The following CORO1A variants were observed in gnomAD, a reference collection of about 807,000 sequenced individuals.
CORO1A encodes the protein coronin 1A.
In CORO1A, 17 loss-of-function variants were observed where a neutral mutation model predicts 44.1. That is an observed-to-expected ratio of 0.39 (90% confidence interval 0.26 to 0.58). CORO1A has a LOEUF of 0.58. Ranked by LOEUF, CORO1A falls within the 20% of genes least tolerant of loss-of-function variation. CORO1A has a pLI of 0.62. For missense variants in CORO1A, 415 were observed against 606.5 expected, an observed-to-expected ratio of 0.68 and a Z score of 3.32; for synonymous variants, 271 against 244.2, an observed-to-expected ratio of 1.11 and a Z score of -1.02.
At position 30,186,632 on chromosome 16, in the gene CORO1A, G is replaced by A; in HGVS notation, c.233G>A (p.Cys78Tyr). The change falls in exon 3 of 11, where the codon TGT becomes TAT. Residue 78 changes from cysteine to tyrosine, a missense_variant. Physicochemically the swap from Cys to Tyr is radical, Grantham distance 194. This residue lies in a region of CORO1A where 325 missense variants were observed against 521.7 expected (regional missense o/e 0.62). Transcript: ENST00000219150. ...GTGGACAAGAATGCGCCCACGGTCT[G>A]TGGCCACACAGCCCCTGTGCTAGAC... The part of the protein sequence containing the change: ...GRVDKNAPTV[C>Y]GHTAPVLDIA... The A allele has an allele frequency of 1.2e-6, 2 of 1,612,892 alleles. No homozygotes were observed. Among genetic ancestry groups the A allele is most frequent in the Non-Finnish European group, 1.7e-6 (2 of 1,180,020 alleles).
In CORO1A at chr16:30,183,756, CCGGGGCGAGGGCCACCTGTGGGG is replaced by C. The variant is rs2073300747; in HGVS notation, c.-2+35_-2+57del. On this transcript the variant is annotated intron_variant, in intron 1 of 10. Coordinates refer to ENST00000219150, the MANE Select transcript of CORO1A (RefSeq NM_007074.4). The surrounding 1 kb of genome is among the most constrained non-coding windows in gnomAD (Gnocchi z 5.0). ...GCTGGGCCTGGGAGGCGCGGGTGGGCCGGGGCGAGGGCCACCTGTGGGGCGGCGCGCGCGTGGGAGCCGCGGGC... is the reference window on the plus strand; with the variant it reads ...GCTGGGCCTGGGAGGCGCGGGTGGGCCGGCGCGCGCGTGGGAGCCGCGGGC... 6.6e-6 allele frequency: 1 copy of C among 151,962 alleles called. No homozygotes were observed. Among genetic ancestry groups the C allele is most frequent in the African/African-American group, 2.4e-5 (1 of 41,394 alleles). The allele number at this position is 151,962 out of a possible 1,614,324, so 9.4% of individuals were successfully genotyped here.
intron 4 of CORO1A, 22 bp downstream of exon 4, chr16:30,186,967 G>T: frequency 6.2e-7 from 1 of 1,612,850 alleles, no homozygotes; most frequent in South Asian, 1.1e-5. Flanking sequence ...GGAGGGGCTT[G>T]GGGGTGGCTC....
In CORO1A at chr16:30,187,841, G is replaced by A. The variant is rs1172584586; in HGVS notation, c.861+12G>A. On this transcript the variant is annotated intron_variant, in intron 7 of 10. Coordinates refer to ENST00000219150, the MANE Select transcript of CORO1A (RefSeq NM_007074.4). ...ACCTCTGTGGCAAGGTGGCCTCGTC[G>A]GGCGGGGTGGGGGTGGGAGGTGGGC... The A allele has an allele frequency of 1.0e-5, 16 of 1,584,334 alleles. No individual in the cohort carries two copies. Among genetic ancestry groups the A allele is most frequent in the East Asian group, 2.2e-5 (1 of 44,666 alleles).
intron 7 of CORO1A, 36 bp downstream of exon 7, chr16:30,187,865 G>GGGGGGGGGGGGGGGGCCCGGGGCCC: frequency 1.9e-6 from 1 of 513,370 alleles, no homozygotes; most frequent in Non-Finnish European, 3.6e-6. Context: ...TGGGAGGTGG[G>GGGGGGGGGGGGGGGGCCCGGGGCCC]CAGGATGGGC....
In CORO1A at chr16:30,183,607, T is replaced by G. The variant is rs1414150443; in HGVS notation, c.-120T>G. ...CGGGCGCACGGCTGCTTCTCATTCA[T>G]TGTCTTGACAAGAGCATCTTCAGCG... On this transcript the variant is annotated 5_prime_UTR_variant, in exon 1 of 11. Transcript: ENST00000219150. This position sits in a 1 kb window ranked among gnomAD's most constrained non-coding sequence, Gnocchi z 5.0. 6.6e-6 allele frequency: 1 copy of G among 152,554 alleles called. No individual in the cohort carries two copies. The highest frequency in any genetic ancestry group is 1.5e-5 in the Non-Finnish European group (1 of 68,356). The allele number at this position is 152,554 out of a possible 1,614,324, so 9.5% of individuals were successfully genotyped here.
At chr16:30,187,694 C>T (rs2151063021) in intron 6 of CORO1A, 31 bp from the exon 7 acceptor site, 1 of 1,555,728 alleles carries the variant, frequency 6.4e-7, no homozygotes, top group Non-Finnish European at 8.8e-7. Flanking sequence ...ATCCCAGGGC[C>T]TGGGATGTTA....
At chr16:30,186,572 C>A in intron 2 of CORO1A, 26 bp from the exon 3 acceptor site, 1 of 1,611,878 alleles carries the variant, frequency 6.2e-7, no homozygotes, top group Middle Eastern at 2.2e-4. Context: ...GGCAAAAGCA[C>A]CTCCAAGGCC....
chr16:30,184,761 C>T lies in CORO1A; in HGVS notation c.-1-448C>T. ...AGGCGAGGGAGGCCAGCTCCTGTCC[C>T]TGCCTTTAGGAAGCGCTGTGTGGGT... is the stretch of plus-strand genomic sequence containing the variant. On this transcript the variant is annotated intron_variant, in intron 1 of 10. Transcript: ENST00000219150. This position sits in a 1 kb window ranked among gnomAD's most constrained non-coding sequence, Gnocchi z 4.3. 1 of 278,572 alleles carries T rather than the reference C, an allele frequency of 3.6e-6. No individual in the cohort carries two copies. The highest frequency in any genetic ancestry group is 7.1e-6 in the Non-Finnish European group (1 of 141,106). 17.3% of individuals were successfully genotyped at this position (278,572 alleles called of 1,614,324 possible).
chr16:30,187,570 C>T, intron 6 of CORO1A, 69 bp downstream of exon 6: 8 of 1,556,446 alleles, frequency 5.1e-6, no homozygotes, highest in Non-Finnish European at 6.1e-6. Flanking sequence ...CGTCCCTGCT[C>T]TGCCACTCAC....
Position 30,184,865 on chromosome 16 carries a change from C to T in CORO1A, c.-1-344C>T, listed in dbSNP as rs1323530760. 4.8e-6 allele frequency: 2 copies of T among 417,806 alleles called. No homozygotes were observed. Among genetic ancestry groups the T allele is most frequent in the Admixed American group, 3.6e-5 (1 of 27,986 alleles). The allele number at this position is 417,806 out of a possible 1,614,324, so 25.9% of individuals were successfully genotyped here. On this transcript the variant is annotated intron_variant, in intron 1 of 10. Transcript: ENST00000219150. This position sits in a 1 kb window ranked among gnomAD's most constrained non-coding sequence, Gnocchi z 4.3. ...CCATCTGGGCTGATGACGCCTGAGTCTGAACCATTAGGAAGGACGGGCTCT... is the reference window on the plus strand; with the variant it reads ...CCATCTGGGCTGATGACGCCTGAGTTTGAACCATTAGGAAGGACGGGCTCT...
chr16:30,188,417 C>T lies in CORO1A; in HGVS notation c.1122C>T (p.Leu374=). The T allele has an allele frequency of 6.2e-7, 1 of 1,613,766 alleles. No individual in the cohort carries two copies. The highest frequency in any genetic ancestry group is 8.5e-7 in the Non-Finnish European group (1 of 1,180,002). The change falls in exon 10 of 11, where the codon CTC becomes CTT. Residue 374 remains leucine, a synonymous_variant. Coordinates refer to ENST00000219150, the MANE Select transcript of CORO1A (RefSeq NM_007074.4). ...YPPTAGPDPA[L]TAEEWLGGRD... ...CCACCGCAGGGCCCGACCCTGCCCT[C>T]ACGGCTGAGGAGTGGCTGGGGGGTC...
chr16:30,184,860 T>G lies in CORO1A; in HGVS notation c.-1-349T>G. ...CGGAGCCATCTGGGCTGATGACGCC[T>G]GAGTCTGAACCATTAGGAAGGACGG... On this transcript the variant is annotated intron_variant, in intron 1 of 10. Coordinates refer to ENST00000219150, the MANE Select transcript of CORO1A (RefSeq NM_007074.4). The surrounding 1 kb of genome is among the most constrained non-coding windows in gnomAD (Gnocchi z 4.3). 1 of 404,972 alleles carries G rather than the reference T, an allele frequency of 2.5e-6. No homozygotes were observed. The highest frequency in any genetic ancestry group is 2.2e-5 in the South Asian group (1 of 45,832). 25.1% of individuals were successfully genotyped at this position (404,972 alleles called of 1,614,324 possible).
intron 6 of CORO1A, 79 bp downstream of exon 6, chr16:30,187,580 C>G (rs2073356320): frequency 1.9e-6 from 3 of 1,541,770 alleles, no homozygotes; most frequent in African/African-American, 1.4e-5. Context: ...CTGCCACTCA[C>G]CTGGCAGGAT....
Position 30,184,835 on chromosome 16 carries a change from C to T in CORO1A, c.-1-374C>T. The T allele has an allele frequency of 2.8e-6, 1 of 362,812 alleles. No individual in the cohort carries two copies. Among genetic ancestry groups the T allele is most frequent in the East Asian group, 6.9e-5 (1 of 14,548 alleles). The allele number at this position is 362,812 out of a possible 1,614,324, so 22.5% of individuals were successfully genotyped here. ...CGGTAACTAAGAGAGAACCCACCCT[C>T]GGAGCCATCTGGGCTGATGACGCCT... On this transcript the variant is annotated intron_variant, in intron 1 of 10. Transcript: ENST00000219150. The surrounding 1 kb of genome is among the most constrained non-coding windows in gnomAD (Gnocchi z 4.3).
chr16:30,187,855 T>TGGGGGGGGGG, intron 7 of CORO1A, 26 bp downstream of exon 7: 3 of 110,888 alleles, frequency 2.7e-5, no homozygotes, highest in Non-Finnish European at 4.4e-5. Flanking sequence ...GGGGTGGGGG[T>TGGGGGGGGGG]GGGAGGTGGG....
At chr16:30,187,588 G>GC in intron 6 of CORO1A, 87 bp downstream of exon 6, 1 of 1,531,786 alleles carries the variant, frequency 6.5e-7, no homozygotes, top group Non-Finnish European at 8.8e-7. Flanking sequence ...CACCTGGCAG[G>GC]ATGGCCATGG....
At chr16:30,185,525 T>C in intron 2 of CORO1A, 118 bp downstream of exon 2, 2 of 864,164 alleles carry the variant, frequency 2.3e-6, no homozygotes, top group Middle Eastern at 3.5e-4. Flanking sequence ...TCTGGAAAAC[T>C]GAGCTGGGCC....
Position 30,188,440 on chromosome 16 carries a change from G to A in CORO1A, c.1145G>A (p.Gly382Asp), listed in dbSNP as rs1329573952. ...CTCACGGCTGAGGAGTGGCTGGGGG[G>A]TCGGGATGCTGGGCCCCTCCTCATC... is the stretch of plus-strand genomic sequence containing the variant. ...PALTAEEWLG[G>D]RDAGPLLISL... is the part of the protein sequence containing the mutation. Residue 382 changes from glycine to aspartate, a missense_variant, in exon 10 of 11, where the codon GGT becomes GAT. Around this residue, in one of 2 missense-constraint regions of CORO1A, gnomAD observed 90 missense variants for 84.7 expected, o/e 1.06. Transcript: ENST00000219150. 1.9e-6 allele frequency: 3 copies of A among 1,613,480 alleles called. No homozygotes were observed. Among genetic ancestry groups the A allele is most frequent in the East Asian group, 2.2e-5 (1 of 44,874 alleles).
In CORO1A at chr16:30,188,262, C is replaced by T. The variant is rs202094775; in HGVS notation, c.1065+13C>T. 5.7e-5 allele frequency: 92 copies of T among 1,613,564 alleles called. No individual in the cohort carries two copies. Among genetic ancestry groups the T allele is most frequent in the East Asian group, 3.3e-4 (15 of 44,868 alleles). ...AGTGCCTCGAAAGGTGATGCTCCCC[C>T]GCCCCACCCTGGGCTCCAGGCTGGG... On this transcript the variant is annotated intron_variant, in intron 9 of 10. Transcript: ENST00000219150.
Sources: allele counts gnomAD v4.1 joint callset, GRCh38; gene constraint gnomAD v4.1.1; regional missense constraint gnomAD v4.1.1; non-coding constraint Gnocchi (gnomAD v3.1); transcripts MANE v1.5; gene names NCBI Gene and HGNC (gene_info 2026-07-23, HGNC 2026-07-21).